NXPH1: variants seen among roughly 807,000 people sequenced by gnomAD.
The protein encoded by NXPH1 is neurexophilin 1, also known as neurexophilin-1.
NXPH1 carries 5 observed loss-of-function variants against 23.7 expected under a neutral mutation model. The ratio of observed to expected loss-of-function variants is 0.21; its 90% CI spans 0.11 to 0.44. The LOEUF (loss-of-function observed/expected upper bound fraction) is 0.44. NXPH1 is among the 20% of genes least tolerant of loss of function. NXPH1 has a pLI of 0.99. For missense variants in NXPH1, 324 were observed against 321.6 expected, an observed-to-expected ratio of 1.01 and a Z score of -0.06; for synonymous variants, 144 against 122.2, an observed-to-expected ratio of 1.18 and a Z score of -1.18.
In NXPH1 at chr7:8,435,789, G is replaced by T. The variant is rs1460466601; in HGVS notation, c.54+22G>T. On this transcript the variant is annotated intron_variant, in intron 2 of 2. Coordinates refer to ENST00000405863, the MANE Select transcript of NXPH1 (RefSeq NM_152745.3). The surrounding 1 kb of genome is among the most constrained non-coding windows in gnomAD (Gnocchi z 5.9). Reference sequence around the variant, plus strand: ...CTTGGTAAGTCTTGGAAGGTTCGGGGCTTTCGCATTTTTACCCCGGCCGGG... The same window carrying T: ...CTTGGTAAGTCTTGGAAGGTTCGGGTCTTTCGCATTTTTACCCCGGCCGGG... The T allele has an allele frequency of 2.5e-6, 4 of 1,613,382 alleles. No individual in the cohort carries two copies. Among genetic ancestry groups the T allele is most frequent in the Admixed American group, 3.3e-5 (2 of 60,028 alleles).
At chr7:8,541,009 G>A (rs1818107726) in intron 2 of NXPH1, among the ~76,000 whole-genome samples, 1 of 151,544 alleles carries the variant, frequency 6.6e-6, no homozygotes, top group African/African-American at 2.4e-5. Context: ...ACCCATCAAG[G>A]AAGATCTACA....
intron 2 of NXPH1, among the ~76,000 whole-genome samples, chr7:8,660,009 G>A (rs1033826489): frequency 2.6e-5 from 4 of 152,156 alleles, no homozygotes; most frequent in Non-Finnish European, 4.4e-5. Flanking sequence ...GAATACTTAA[G>A]AGGAGCAGAA....
At chr7:8,596,821 C>A (rs1819235706) in intron 2 of NXPH1, among the ~76,000 whole-genome samples, 1 of 152,054 alleles carries the variant, frequency 6.6e-6, no homozygotes, top group Non-Finnish European at 1.5e-5. Context: ...ACTGCTTTTA[C>A]TTTGGGAGTA....
In NXPH1 at chr7:8,751,319, C is replaced by A. The variant is rs373044439; in HGVS notation, c.366C>A (p.Gly122=). 1.2e-6 allele frequency: 2 copies of A among 1,613,824 alleles called. No homozygotes were observed. Among genetic ancestry groups the A allele is most frequent in the Non-Finnish European group, 8.5e-7 (1 of 1,179,828 alleles). Residue 122 remains glycine, a synonymous_variant, in exon 3 of 3, where the codon GGC becomes GGA. Coordinates refer to ENST00000405863, the MANE Select transcript of NXPH1 (RefSeq NM_152745.3). The surrounding 1 kb of genome is among the most constrained non-coding windows in gnomAD (Gnocchi z 4.5). ...AGTTTAAGAAAATGTTTGGATGGGG[C>A]GATTTTCATTCCAACATCAAAACAG... is the stretch of plus-strand genomic sequence containing the variant. ...TGKFKKMFGW[G]DFHSNIKTVK...
chr7:8,583,399 T>C (rs1818920618), intron 2 of NXPH1, among the ~76,000 whole-genome samples: 1 of 152,180 alleles, frequency 6.6e-6, no homozygotes, highest in Non-Finnish European at 1.5e-5. Context: ...AGTTTCCTTA[T>C]CTATAGGTAA....
intron 2 of NXPH1, among the ~76,000 whole-genome samples, chr7:8,504,668 A>G (rs1462797395): frequency 5.3e-5 from 8 of 152,022 alleles, no homozygotes; most frequent in Non-Finnish European, 1.0e-4. Flanking sequence ...TTGTGTTGCA[A>G]TCCTAACCCC....
intron 2 of NXPH1, among the ~76,000 whole-genome samples, chr7:8,673,610 T>C (rs1383148283): frequency 7.2e-5 from 11 of 152,152 alleles, no homozygotes; most frequent in Admixed American, 5.2e-4. Flanking sequence ...CCATGCTTCA[T>C]GCTTTCATGC....
intron 2 of NXPH1, among the ~76,000 whole-genome samples, chr7:8,691,140 C>CTTTAT (rs1008488018): frequency 5.3e-5 from 8 of 152,034 alleles, no homozygotes; most frequent in South Asian, 2.1e-4. Flanking sequence ...TTTAGAACTT[C>CTTTAT]TTTATTTTAT....
intron 2 of NXPH1, among the ~76,000 whole-genome samples, chr7:8,664,844 A>G (rs1820735100): frequency 6.6e-6 from 1 of 152,080 alleles, no homozygotes; most frequent in Admixed American, 6.6e-5. Flanking sequence ...AGAAATGTCT[A>G]TTCAGTTTAT....
chr7:8,576,568 G>A (rs1358747351), intron 2 of NXPH1, among the ~76,000 whole-genome samples: 1 of 152,114 alleles, frequency 6.6e-6, no homozygotes, highest in Non-Finnish European at 1.5e-5. Flanking sequence ...AGGACTGAAG[G>A]AAGGCTGCAG....
At position 8,486,372 on chromosome 7, in the gene NXPH1, G is replaced by C. The variant is rs548565855; in HGVS notation, c.54+50605G>C. 2.4e-3 allele frequency among the ~76,000 whole-genome samples: 362 copies of C among 152,238 alleles called. 2 individuals carry two copies. Among genetic ancestry groups the C allele is most frequent in the African/African-American group, 8.3e-3 (345 of 41,534 alleles). The stretch of plus-strand genomic sequence containing the variant: ...CTGCCTGTTTTACCTTCCAAACTCA[G>C]TCTGATTAATTTTCTCCTCTGCAGC... On this transcript the variant is annotated intron_variant, in intron 2 of 2. Coordinates refer to ENST00000405863, the MANE Select transcript of NXPH1 (RefSeq NM_152745.3).
chr7:8,597,379 T>C (rs1463381300), intron 2 of NXPH1, among the ~76,000 whole-genome samples: 4 of 151,796 alleles, frequency 2.6e-5, no homozygotes, highest in East Asian at 3.9e-4. Context: ...CCAAAGATAA[T>C]GGGGGTGGGC....
At chr7:8,681,427 T>C (rs2115176885) in intron 2 of NXPH1, among the ~76,000 whole-genome samples, 1 of 152,338 alleles carries the variant, frequency 6.6e-6, no homozygotes, top group South Asian at 2.1e-4. Context: ...GTGTTTATTA[T>C]AATATATATA....
At chr7:8,722,774 C>A (rs943135871) in intron 2 of NXPH1, among the ~76,000 whole-genome samples, 11 of 152,160 alleles carry the variant, frequency 7.2e-5, no homozygotes, top group African/African-American at 2.7e-4. Context: ...AACGAACCTT[C>A]ATCACAATTT....
intron 2 of NXPH1, among the ~76,000 whole-genome samples, chr7:8,732,215 G>T (rs1043276131): frequency 6.6e-6 from 1 of 152,206 alleles, no homozygotes; most frequent in Non-Finnish European, 1.5e-5. Context: ...CATGGTGCGC[G>T]CACCCACTGA....
At chr7:8,678,349 T>C (rs1037809121) in intron 2 of NXPH1, among the ~76,000 whole-genome samples, 50 of 152,190 alleles carry the variant, frequency 3.3e-4, no homozygotes, top group Non-Finnish European at 1.3e-4. Flanking sequence ...TAGATATATT[T>C]TTCCTTTTCC....
At chr7:8,630,012 A>C (rs1361133438) in intron 2 of NXPH1, among the ~76,000 whole-genome samples, 1 of 152,246 alleles carries the variant, frequency 6.6e-6, no homozygotes, top group South Asian at 2.1e-4. Context: ...AGATGGGTGG[A>C]TTGGTGAACA....
intron 2 of NXPH1, among the ~76,000 whole-genome samples, chr7:8,626,384 CTT>C (rs542544198): frequency 5.9e-5 from 8 of 136,270 alleles, no homozygotes; most frequent in Admixed American, 1.5e-4. Context: ...ATGCAGTTTA[CTT>C]TTTTTTTTTT....
At chr7:8,506,572 C>G (rs777666464) in intron 2 of NXPH1, among the ~76,000 whole-genome samples, 2 of 151,970 alleles carry the variant, frequency 1.3e-5, no homozygotes, top group Non-Finnish European at 2.9e-5. Context: ...TCTCCCTGAG[C>G]AGATAGCCAG....
Sources: allele counts gnomAD v4.1 joint callset (sites outside exome capture counted in the v4.1 genomes callset), GRCh38; gene constraint gnomAD v4.1.1; non-coding constraint Gnocchi (gnomAD v3.1); transcripts MANE v1.5; gene names NCBI Gene and HGNC (gene_info 2026-07-23, HGNC 2026-07-21).